The following PIP5K1B variants were observed in gnomAD, a reference collection of about 807,000 sequenced individuals.
The protein encoded by PIP5K1B is phosphatidylinositol-4-phosphate 5-kinase type 1 beta.
In PIP5K1B, 42 loss-of-function variants were observed where a neutral mutation model predicts 67.0. The ratio of observed to expected loss-of-function variants is 0.63; its 90% CI spans 0.49 to 0.81. PIP5K1B has a LOEUF of 0.81. Ranked by LOEUF, PIP5K1B falls within the 30% of genes least tolerant of loss-of-function variation. The pLI, the probability that PIP5K1B is intolerant of heterozygous loss-of-function variation, is 0.00. For synonymous variants in PIP5K1B, 214 were observed against 231.4 expected, an observed-to-expected ratio of 0.92 and a Z score of 0.68; for missense variants, 459 against 646.3, an observed-to-expected ratio of 0.71 and a Z score of 3.14.
At chr9:68,964,386 C>G (rs972250873) in intron 14 of PIP5K1B, among the ~76,000 whole-genome samples, 4 of 152,162 alleles carry the variant, frequency 2.6e-5, no homozygotes, top group African/African-American at 9.7e-5. Flanking sequence ...AGTAAACATC[C>G]GATCTTAGCT....
At chr9:68,724,090 G>A (rs1027881278) in intron 1 of PIP5K1B, among the ~76,000 whole-genome samples, 1 of 151,924 alleles carries the variant, frequency 6.6e-6, no homozygotes, top group African/African-American at 2.4e-5. Flanking sequence ...TCTGCATATG[G>A]ATATCCAGTT....
At chr9:68,782,979 C>G (rs1831384956) in intron 2 of PIP5K1B, 1 of 167,096 alleles carries the variant, frequency 6.0e-6, no homozygotes, top group Non-Finnish European at 1.5e-5. Context: ...TGAAATGAAT[C>G]TCAAATTTCT....
At chr9:68,840,026 T>C (rs533674982) in intron 4 of PIP5K1B, among the ~76,000 whole-genome samples, 4 of 152,292 alleles carry the variant, frequency 2.6e-5, no homozygotes, top group South Asian at 2.1e-4. Context: ...TTGGGGCTAG[T>C]GGGATAAAGA....
chr9:68,889,692 G>T (rs180706240), intron 7 of PIP5K1B, among the ~76,000 whole-genome samples: 1 of 139,482 alleles, frequency 7.2e-6, no homozygotes, highest in Non-Finnish European at 1.5e-5. Context: ...TCGAGATCCC[G>T]CCACTGCACT....
chr9:68,908,493 G>A lies in PIP5K1B; in HGVS notation c.772-9055G>A, dbSNP rs188438807. ...CAGTACAGCCCAAGTTCTAAATCAC[G>A]GCATACACACCATGAAAAACACATT... is the stretch of plus-strand genomic sequence containing the variant. On this transcript the variant is annotated intron_variant, in intron 8 of 15. Transcript: ENST00000265382. Among the ~76,000 whole-genome samples, 123 of 149,948 alleles carry A rather than the reference G, an allele frequency of 8.2e-4. No homozygotes were observed. The East Asian group carries it at 0.015, about 18-fold the overall frequency.
intron 8 of PIP5K1B, among the ~76,000 whole-genome samples, chr9:68,909,909 A>C (rs1331514617): frequency 2.0e-5 from 3 of 152,232 alleles, no homozygotes; most frequent in Non-Finnish European, 4.4e-5. Context: ...GACTGCACAA[A>C]GGAATTTTAA....
At chr9:68,848,841 G>A (rs1371242997) in intron 4 of PIP5K1B, among the ~76,000 whole-genome samples, 2 of 152,094 alleles carry the variant, frequency 1.3e-5, no homozygotes, top group African/African-American at 4.8e-5. Context: ...ATAAAAAAAT[G>A]AAAATTATAA....
In PIP5K1B at chr9:68,861,598, C is replaced by T. The variant is rs980757679; in HGVS notation, c.70-2239C>T. Among the ~76,000 whole-genome samples the T allele has an allele frequency of 3.9e-5, 6 of 152,032 alleles. No homozygotes were observed. In the East Asian group the frequency reaches 7.7e-4, roughly 20 times the overall value. On this transcript the variant is annotated intron_variant, in intron 4 of 15. Transcript: ENST00000265382. ...GGAAAGCAGCGTCAGGGGTGCGGTG[C>T]GGGGGCTGCAGAGCACTTGGGCAGC...
chr9:68,886,238 G>A (rs1007857705), intron 6 of PIP5K1B, among the ~76,000 whole-genome samples: 7 of 152,040 alleles, frequency 4.6e-5, no homozygotes, highest in Non-Finnish European at 1.0e-4. Flanking sequence ...CTTCTGCTAG[G>A]CTGGGTCTGT....
At chr9:68,915,572 C>A (rs890057671) in intron 8 of PIP5K1B, among the ~76,000 whole-genome samples, 2 of 152,152 alleles carry the variant, frequency 1.3e-5, no homozygotes, top group Admixed American at 1.3e-4. Flanking sequence ...GTCTGGTACT[C>A]AAGCATTGGA....
At chr9:68,772,812 G>A (rs908269769) in intron 2 of PIP5K1B, among the ~76,000 whole-genome samples, 1 of 152,182 alleles carries the variant, frequency 6.6e-6, no homozygotes, top group African/African-American at 2.4e-5. Context: ...GAAAGTAAGA[G>A]AACAGAGAAA....
intron 1 of PIP5K1B, among the ~76,000 whole-genome samples, chr9:68,737,488 G>A (rs1220609119): frequency 1.3e-5 from 2 of 152,116 alleles, no homozygotes; most frequent in East Asian, 3.8e-4. Context: ...AAATTAAAAG[G>A]GTGTTACTAA....
rs138660757 is a variant in PIP5K1B, at chr9:68,850,990, T to C, written c.70-12847T>C. Among the ~76,000 whole-genome samples, 23 of 152,344 alleles carry C rather than the reference T, an allele frequency of 1.5e-4. No homozygotes were observed. In the East Asian group the frequency reaches 4.2e-3, roughly 28 times the overall value. On this transcript the variant is annotated intron_variant, in intron 4 of 15. Transcript: ENST00000265382. Reference sequence around the variant, plus strand: ...TCTATCCTAAATCAAGAATTTCATCTGCAGTTGATGGCCTGTCTCTTTTTA... The same window carrying C: ...TCTATCCTAAATCAAGAATTTCATCCGCAGTTGATGGCCTGTCTCTTTTTA...
At chr9:68,843,579 T>G (rs1822032486) in intron 4 of PIP5K1B, among the ~76,000 whole-genome samples, 2 of 152,140 alleles carry the variant, frequency 1.3e-5, no homozygotes, top group African/African-American at 4.8e-5. Context: ...GCAAGCCCGT[T>G]AAGTATCAGC....
At position 68,781,953 on chromosome 9, in the gene PIP5K1B, T is replaced by C. The variant is rs149614911; in HGVS notation, c.-85-36508T>C. 2.2e-4 allele frequency: 37 copies of C among 167,176 alleles called. No homozygotes were observed. In the East Asian group the frequency reaches 6.4e-3, roughly 29 times the overall value. 10.4% of individuals were successfully genotyped at this position (167,176 alleles called of 1,614,324 possible). On this transcript the variant is annotated intron_variant, in intron 2 of 15. Coordinates refer to ENST00000265382, the MANE Select transcript of PIP5K1B (RefSeq NM_003558.4). ...CAGGTAAACAATACTCTCTCAATTG[T>C]TGATATACTTTAAAATATTCAGTTG...
intron 2 of PIP5K1B, among the ~76,000 whole-genome samples, chr9:68,815,699 A>G (rs1173100974): frequency 6.6e-6 from 1 of 152,142 alleles, no homozygotes; most frequent in African/African-American, 2.4e-5. Flanking sequence ...TGAAAAGTAT[A>G]AATTCTTTCA....
At chr9:68,981,247 A>G (rs971405292) in intron 14 of PIP5K1B, among the ~76,000 whole-genome samples, 1 of 152,188 alleles carries the variant, frequency 6.6e-6, no homozygotes, top group Non-Finnish European at 1.5e-5. Flanking sequence ...GGAATAAAAA[A>G]GCTCACTAGG....
At chr9:68,746,787 G>A (rs1277915293) in intron 2 of PIP5K1B, among the ~76,000 whole-genome samples, 1 of 152,040 alleles carries the variant, frequency 6.6e-6, no homozygotes, top group African/African-American at 2.4e-5. Flanking sequence ...GCCTGGCCTC[G>A]GGCTGGAGTG....
Position 68,991,255 on chromosome 9 carries a change from T to C in PIP5K1B, c.1618T>C (p.Leu540=). 1 of 1,564,100 alleles carries C rather than the reference T, an allele frequency of 6.4e-7. No individual in the cohort carries two copies. Among genetic ancestry groups the C allele is most frequent in the African/African-American group, 1.4e-5 (1 of 74,044 alleles). Residue 540 remains leucine, a splice_region_variant and synonymous_variant, in exon 15 of 16, where the codon TTA becomes CTA. Coordinates refer to ENST00000265382, the MANE Select transcript of PIP5K1B (RefSeq NM_003558.4). ...DDNASVLDVY[L] ...CAATGCTTCTGTGCTTGACGTCTAT[T>C]TAGTAAGTAATTTTTTAGTTTCCTC...
Sources: gnomAD v4.1 joint callset for allele counts (sites outside exome capture counted in the v4.1 genomes callset) on GRCh38, gnomAD v4.1.1 for gene constraint, MANE v1.5 for transcripts, NCBI Gene and HGNC (gene_info 2026-07-23, HGNC 2026-07-21) for gene names.